NTM: variants seen among roughly 807,000 people sequenced by gnomAD.
The protein encoded by NTM is neurotrimin.
Under a neutral mutation model 42.1 loss-of-function variants are expected in NTM, and 13 were observed. The observed-to-expected ratio is 0.31, with a 90% confidence interval of 0.20 to 0.49. The LOEUF is 0.49. Ranked by LOEUF, NTM falls within the 20% of genes least tolerant of loss-of-function variation. The probability of loss-of-function intolerance (pLI) is 0.99; values close to 1 mark genes in which losing one functional copy is unlikely to be tolerated. For missense variants in NTM, 373 were observed against 452.8 expected (o/e 0.82, Z 1.60); for synonymous variants, 187 against 179.2 (o/e 1.04, Z -0.35).
intron 2 of NTM, 92 bp downstream of exon 2, chr11:131,911,740 G>C (rs11222836): frequency 1.3e-6 from 2 of 1,514,902 alleles, no homozygotes; most frequent in East Asian, 2.3e-5. Flanking sequence ...GGCGTGCCTG[G>C]GTTGGCGGAG....
At chr11:132,265,913 C>G (rs564201339) in intron 4 of NTM, among the ~76,000 whole-genome samples, 10 of 152,268 alleles carry the variant, frequency 6.6e-5, no homozygotes, top group Admixed American at 2.0e-4. Flanking sequence ...ATGGGATACA[C>G]TGTTGGGATT....
At chr11:131,911,096 ACCAAAGTGCTTACTCCTCT>A in intron 1 of NTM, 3 of 1,145,772 alleles carry the variant, frequency 2.6e-6, no homozygotes, top group Non-Finnish European at 3.2e-6. Flanking sequence ...CCCTTCTGGT[ACCAAAGTGCTTACTCCTCT>A]CCAAAGTGCC....
rs749033950 is a variant in NTM, at chr11:132,228,898, C to T, written c.526+16751C>T. On this transcript the variant is annotated intron_variant, in intron 4 of 8. Transcript: ENST00000683400. ...GGTTATCAGGACCTCTTGATGGGAG[C>T]CCCACTGCACTGTTGTCATGCGGAG... Among the ~76,000 whole-genome samples the T allele has an allele frequency of 5.3e-5, 8 of 152,254 alleles. No individual in the cohort carries two copies. In the South Asian group the frequency reaches 1.5e-3, roughly 28 times the overall value.
chr11:132,125,608 G>A (rs2136991062), intron 2 of NTM, among the ~76,000 whole-genome samples: 1 of 95,774 alleles, frequency 1.0e-5, no homozygotes, highest in East Asian at 3.5e-4. Context: ...GGTGTGTGAT[G>A]TGTGTGGTGT....
At chr11:131,759,759 A>G (rs2083856098) in intron 1 of NTM, among the ~76,000 whole-genome samples, 1 of 151,810 alleles carries the variant, frequency 6.6e-6, no homozygotes, top group Non-Finnish European at 1.5e-5. Context: ...TTCTTTATCC[A>G]GGTCATTAAT....
chr11:132,310,053 T>A (rs1202301980), intron 5 of NTM, 59 bp from the exon 6 acceptor site: 20 of 1,409,240 alleles, frequency 1.4e-5, no homozygotes, highest in Admixed American at 5.5e-5. Flanking sequence ...CAAGACTCCA[T>A]CTCAAAAAAA....
At chr11:131,570,830 A>T (rs1159008202) in intron 1 of NTM, among the ~76,000 whole-genome samples, 1 of 152,244 alleles carries the variant, frequency 6.6e-6, no homozygotes. Flanking sequence ...TCAAAAGTAG[A>T]TAAATAAATA....
chr11:131,427,279 A>G (rs776854034), intron 1 of NTM, among the ~76,000 whole-genome samples: 7 of 152,168 alleles, frequency 4.6e-5, no homozygotes, highest in Non-Finnish European at 7.4e-5. Context: ...GGGATAAAAA[A>G]TCTGAATCTT....
intron 1 of NTM, among the ~76,000 whole-genome samples, chr11:131,773,294 C>A (rs942878471): frequency 6.6e-6 from 1 of 152,148 alleles, no homozygotes; most frequent in African/African-American, 2.4e-5. Flanking sequence ...TCTTTTGGAG[C>A]CCTCGTGAAC....
chr11:131,488,112 G>A (rs1221690059), intron 1 of NTM, among the ~76,000 whole-genome samples: 1 of 152,206 alleles, frequency 6.6e-6, no homozygotes, highest in African/African-American at 2.4e-5. Flanking sequence ...GAATCACCAT[G>A]AATCCAAGAA....
intron 1 of NTM, among the ~76,000 whole-genome samples, chr11:131,631,960 C>G (rs1435992058): frequency 4.6e-5 from 7 of 151,562 alleles, no homozygotes; most frequent in Admixed American, 2.0e-4. Flanking sequence ...TTATTTTTTC[C>G]CTAGATGCTA....
At chr11:131,706,480 G>A (rs1408676187) in intron 1 of NTM, among the ~76,000 whole-genome samples, 1 of 151,940 alleles carries the variant, frequency 6.6e-6, no homozygotes, top group East Asian at 1.9e-4. Flanking sequence ...ATAGATTAAA[G>A]GGATCCTAAC....
At chr11:131,789,071 T>C (rs1035012773) in intron 1 of NTM, among the ~76,000 whole-genome samples, 1 of 152,106 alleles carries the variant, frequency 6.6e-6, no homozygotes, top group Non-Finnish European at 1.5e-5. Flanking sequence ...AAATCTTTCT[T>C]CTGCTCTGAC....
chr11:131,828,367 C>T (rs1028073750), intron 1 of NTM, among the ~76,000 whole-genome samples: 1 of 152,052 alleles, frequency 6.6e-6, no homozygotes, highest in African/African-American at 2.4e-5. Context: ...CCATCTTTGC[C>T]ATCACTGCAA....
chr11:131,420,233 T>C (rs1189924149), intron 1 of NTM, among the ~76,000 whole-genome samples: 1 of 152,024 alleles, frequency 6.6e-6, no homozygotes, highest in Non-Finnish European at 1.5e-5. Context: ...CCTGATGCAA[T>C]GGCAAAGGTC....
chr11:132,195,587 T>C (rs562442018), intron 3 of NTM, among the ~76,000 whole-genome samples: 28 of 152,036 alleles, frequency 1.8e-4, no homozygotes, highest in African/African-American at 6.8e-4. Context: ...CAAAACAGCA[T>C]GGTGATGTTA....
Position 131,927,765 on chromosome 11 carries a change from TCA to T in NTM, c.167+16120_167+16121del, listed in dbSNP as rs1190590932. ...TTGACACTGTTACAGAGACATAAAA[TCA>T]CAGAGCCCTGTGGTAGCATCAGAGA... On this transcript the variant is annotated intron_variant, in intron 2 of 8. Coordinates refer to ENST00000683400, the MANE Select transcript of NTM (RefSeq NM_001352005.2). Among the ~76,000 whole-genome samples the T allele has an allele frequency of 3.3e-5, 5 of 152,286 alleles. No individual in the cohort carries two copies. In the East Asian group the frequency reaches 9.6e-4, roughly 29 times the overall value.
intron 1 of NTM, chr11:131,794,775 G>A (rs1272672570): frequency 2.0e-6 from 2 of 985,380 alleles, no homozygotes; most frequent in South Asian, 9.4e-5. Context: ...CACACCATGT[G>A]AAAAGCATTC....
intron 2 of NTM, among the ~76,000 whole-genome samples, chr11:132,115,864 A>C (rs1337504732): frequency 6.6e-6 from 1 of 152,212 alleles, no homozygotes; most frequent in African/African-American, 2.4e-5. Context: ...CTCTTTCATC[A>C]GCTCTCAACC....
Sources: gnomAD v4.1 joint callset for allele counts (sites outside exome capture counted in the v4.1 genomes callset) on GRCh38, gnomAD v4.1.1 for gene constraint, MANE v1.5 for transcripts, NCBI Gene and HGNC (gene_info 2026-07-23, HGNC 2026-07-21) for gene names.